Variants in BABAM2 observed in about 807,000 individuals in gnomAD.
The protein encoded by BABAM2 is BRISC and BRCA1 A complex member 2.
In BABAM2, 31 loss-of-function variants were observed where a neutral mutation model predicts 54.7. The ratio of observed to expected loss-of-function variants is 0.57; its 90% CI spans 0.43 to 0.77. The LOEUF (loss-of-function observed/expected upper bound fraction) is 0.77. Among genes scored for constraint, BABAM2 ranks in the 30% least tolerant of loss-of-function variants. The pLI is 0.00. For synonymous variants in BABAM2, 167 were observed against 162.9 expected (o/e 1.03, Z -0.19); for missense variants, 364 against 455.8 (o/e 0.80, Z 1.83).
chr2:28,278,175 C>T (rs995455750), intron 10 of BABAM2, among the ~76,000 whole-genome samples: 2 of 152,082 alleles, frequency 1.3e-5, no homozygotes, highest in African/African-American at 4.8e-5. Flanking sequence ...TTATATACAC[C>T]GTTCAAAATA....
At chr2:28,110,656 T>A (rs537937209) in intron 6 of BABAM2, among the ~76,000 whole-genome samples, 1 of 151,680 alleles carries the variant, frequency 6.6e-6, no homozygotes, top group African/African-American at 2.4e-5. Flanking sequence ...TAAAATAAAA[T>A]AAAAAAACAC....
chr2:27,978,781 C>G (rs1671781477), intron 3 of BABAM2, among the ~76,000 whole-genome samples: 1 of 152,128 alleles, frequency 6.6e-6, no homozygotes, highest in Non-Finnish European at 1.5e-5. Flanking sequence ...TTTTGACCAT[C>G]ACCCTCCTCT....
chr2:28,111,087 G>C (rs562805904), intron 6 of BABAM2, among the ~76,000 whole-genome samples: 1 of 150,554 alleles, frequency 6.6e-6, no homozygotes, highest in African/African-American at 2.4e-5. Flanking sequence ...TCCTGCCTCA[G>C]CCTCCCAAGT....
Position 28,261,350 on chromosome 2 carries a change from G to A in BABAM2, c.934+16488G>A, listed in dbSNP as rs181915551. Among the ~76,000 whole-genome samples the A allele has an allele frequency of 9.1e-3, 1,343 of 147,834 alleles. 8 individuals are homozygous for A. Among genetic ancestry groups the A allele is most frequent in the Middle Eastern group, 0.031 (9 of 294 alleles). On this transcript the variant is annotated intron_variant, in intron 10 of 11. Coordinates refer to ENST00000379624, the MANE Select transcript of BABAM2 (RefSeq NM_199191.3). Reference sequence around the variant, plus strand: ...AGAATTTTTTTTTTTTTTTTGAGGCGGAGTCTTGCTCTGTCGCCCAGGCTG... The same window carrying A: ...AGAATTTTTTTTTTTTTTTTGAGGCAGAGTCTTGCTCTGTCGCCCAGGCTG...
chr2:28,327,848 C>G (rs1182220269), intron 11 of BABAM2, among the ~76,000 whole-genome samples: 4 of 152,172 alleles, frequency 2.6e-5, no homozygotes, highest in Non-Finnish European at 5.9e-5. Context: ...GTTTTGCAAG[C>G]TTAGACCCCC....
intron 6 of BABAM2, among the ~76,000 whole-genome samples, chr2:28,073,572 G>A (rs1664368853): frequency 6.6e-6 from 1 of 152,074 alleles, no homozygotes; most frequent in Non-Finnish European, 1.5e-5. Flanking sequence ...ATGTATGAAT[G>A]CATGTAAAAT....
At chr2:27,916,515 C>G (rs1666980496) in intron 2 of BABAM2, among the ~76,000 whole-genome samples, 1 of 152,192 alleles carries the variant, frequency 6.6e-6, no homozygotes, top group Non-Finnish European at 1.5e-5. Context: ...TTGTCCACTC[C>G]AGCTCTACCT....
At chr2:28,313,527 AGTTT>A (rs552340947) in intron 11 of BABAM2, among the ~76,000 whole-genome samples, 56 of 152,258 alleles carry the variant, frequency 3.7e-4, no homozygotes, top group African/African-American at 1.2e-3. Context: ...GAAAAAAAGT[AGTTT>A]GTTTGTCTCC....
intron 10 of BABAM2, among the ~76,000 whole-genome samples, chr2:28,253,176 G>A (rs1471119064): frequency 1.3e-5 from 2 of 152,142 alleles, no homozygotes; most frequent in African/African-American, 2.4e-5. Flanking sequence ...GGCCAAAGCG[G>A]ATGGATCACC....
chr2:28,064,656 G>A (rs551645297), intron 6 of BABAM2, among the ~76,000 whole-genome samples: 18 of 152,282 alleles, frequency 1.2e-4, no homozygotes, highest in South Asian at 1.0e-3. Context: ...TGGCATGTGT[G>A]AGGCTGAAGT....
chr2:28,034,531 A>G (rs1676522786), intron 5 of BABAM2, among the ~76,000 whole-genome samples: 1 of 152,186 alleles, frequency 6.6e-6, no homozygotes, highest in African/African-American at 2.4e-5. Flanking sequence ...AATGCTGTTA[A>G]TCATAAAGTT....
At chr2:27,990,510 A>G (rs1672705978) in intron 4 of BABAM2, among the ~76,000 whole-genome samples, 1 of 152,176 alleles carries the variant, frequency 6.6e-6, no homozygotes, top group Non-Finnish European at 1.5e-5. Context: ...TCACCCATGG[A>G]GTGGAAAACA....
chr2:28,330,988 A>G (rs1243445927), intron 11 of BABAM2, among the ~76,000 whole-genome samples: 4 of 152,210 alleles, frequency 2.6e-5, no homozygotes, highest in African/African-American at 9.7e-5. Context: ...AAACCAGTGG[A>G]ACAGGATAGA....
chr2:28,063,525 C>T (rs1476608467), intron 6 of BABAM2, among the ~76,000 whole-genome samples: 5 of 152,156 alleles, frequency 3.3e-5, no homozygotes, highest in Admixed American at 2.6e-4. Context: ...TCAGACTAGT[C>T]ACATTCTAGG....
intron 3 of BABAM2, among the ~76,000 whole-genome samples, chr2:27,935,890 A>G (rs990733321): frequency 6.6e-6 from 1 of 152,108 alleles, no homozygotes; most frequent in African/African-American, 2.4e-5. Flanking sequence ...TTAGCAATTC[A>G]GTATTTTATT....
At chr2:28,116,312 C>G (rs942427364) in intron 6 of BABAM2, among the ~76,000 whole-genome samples, 1 of 152,130 alleles carries the variant, frequency 6.6e-6, no homozygotes, top group African/African-American at 2.4e-5. Flanking sequence ...CAACTCTAAG[C>G]TGCCCTTTAG....
chr2:28,199,047 T>C (rs1210791098), intron 7 of BABAM2, among the ~76,000 whole-genome samples: 1 of 152,252 alleles, frequency 6.6e-6, no homozygotes, highest in Admixed American at 6.5e-5. Context: ...TGAATGTGTG[T>C]ACCTGTTACC....
chr2:27,954,231 G>A (rs1669935137), intron 3 of BABAM2, among the ~76,000 whole-genome samples: 1 of 152,172 alleles, frequency 6.6e-6, no homozygotes, highest in African/African-American at 2.4e-5. Flanking sequence ...ATAAGAACAT[G>A]TCTCATCAAT....
chr2:27,999,052 C>T lies in BABAM2; in HGVS notation c.300+10965C>T, dbSNP rs183574411. Reference sequence around the variant, plus strand: ...ACACCTTTGTAGCATTGTATTCTGTCTAGTAATTGCTTGTTTACCTTTTTG... The same window carrying T: ...ACACCTTTGTAGCATTGTATTCTGTTTAGTAATTGCTTGTTTACCTTTTTG... On this transcript the variant is annotated intron_variant, in intron 4 of 11. Coordinates refer to ENST00000379624, the MANE Select transcript of BABAM2 (RefSeq NM_199191.3). Among the ~76,000 whole-genome samples, 51 of 152,188 alleles carry T rather than the reference C, an allele frequency of 3.4e-4. 1 individual carries two copies. The East Asian group carries it at 9.5e-3, about 28-fold the overall frequency.
Sources: gnomAD v4.1 joint callset for allele counts (sites outside exome capture counted in the v4.1 genomes callset) on GRCh38, gnomAD v4.1.1 for gene constraint, MANE v1.5 for transcripts, NCBI Gene and HGNC (gene_info 2026-07-23, HGNC 2026-07-21) for gene names.